ANGPT1: variants seen among roughly 807,000 people sequenced by gnomAD.
ANGPT1 encodes the protein angiopoietin 1, also known as angiopoietin-1.
ANGPT1 carries 17 observed loss-of-function variants against 62.2 expected under a neutral mutation model. That is an observed-to-expected ratio of 0.27 (90% confidence interval 0.19 to 0.41). ANGPT1 has a LOEUF of 0.41. ANGPT1 is among the 10% of genes least tolerant of loss of function. The probability of loss-of-function intolerance (pLI) is 1.00; values close to 1 mark genes in which losing one functional copy is unlikely to be tolerated. For synonymous variants in ANGPT1, 199 were observed against 198.9 expected (o/e 1.00, Z 0.00); for missense variants, 478 against 594.9 (o/e 0.80, Z 2.04).
intron 8 of ANGPT1, among the ~76,000 whole-genome samples, chr8:107,260,544 A>G (rs1403310575): frequency 6.6e-5 from 10 of 152,140 alleles, no homozygotes; most frequent in Non-Finnish European, 1.5e-5. Context: ...TTGACAGAGA[A>G]TAAGTAGTAG....
At chr8:107,393,900 C>A (rs558580609) in intron 1 of ANGPT1, among the ~76,000 whole-genome samples, 10 of 152,268 alleles carry the variant, frequency 6.6e-5, no homozygotes, top group African/African-American at 2.4e-4. Context: ...TTGGCTTTAA[C>A]CTGCTAAGAC....
At chr8:107,297,826 G>A (rs1308020011) in intron 5 of ANGPT1, among the ~76,000 whole-genome samples, 1 of 148,682 alleles carries the variant, frequency 6.7e-6, no homozygotes, top group African/African-American at 2.5e-5. Flanking sequence ...CTCTAGCAAA[G>A]ACAAAACAAA....
intron 2 of ANGPT1, among the ~76,000 whole-genome samples, chr8:107,344,076 A>T (rs1815752772): frequency 6.6e-6 from 1 of 152,108 alleles, no homozygotes; most frequent in Non-Finnish European, 1.5e-5. Context: ...ATAATAATAA[A>T]AGATAAGGAA....
At chr8:107,259,163 C>T (rs1001618401) in intron 8 of ANGPT1, among the ~76,000 whole-genome samples, 3 of 152,138 alleles carry the variant, frequency 2.0e-5, no homozygotes, top group African/African-American at 7.2e-5. Context: ...TATGGATCTT[C>T]TTTTCTCTCA....
At chr8:107,399,915 C>A (rs796140967) in intron 1 of ANGPT1, among the ~76,000 whole-genome samples, 1 of 152,074 alleles carries the variant, frequency 6.6e-6, no homozygotes, top group Admixed American at 6.6e-5. Context: ...ACAACTGGCC[C>A]GCATTACAGG....
intron 1 of ANGPT1, among the ~76,000 whole-genome samples, chr8:107,429,648 GAA>G (rs34291237): frequency 0.13 from 15,005 of 119,066 alleles, 1,541 homozygotes; most frequent in African/African-American, 0.31. Flanking sequence ...GCTCCAGGAG[GAA>G]AAAAAAAAAA....
At chr8:107,306,020 G>T (rs1219377356) in intron 4 of ANGPT1, among the ~76,000 whole-genome samples, 2 of 151,962 alleles carry the variant, frequency 1.3e-5, no homozygotes, top group African/African-American at 4.8e-5. Flanking sequence ...AAGTGAGGTA[G>T]TTATAAATAC....
intron 1 of ANGPT1, among the ~76,000 whole-genome samples, chr8:107,493,471 T>C (rs1813017336): frequency 6.6e-6 from 1 of 150,474 alleles, no homozygotes; most frequent in Non-Finnish European, 1.5e-5. Flanking sequence ...ACTGGTTAAA[T>C]ATAATTTGAA....
At chr8:107,398,155 C>T (rs564452881) in intron 1 of ANGPT1, among the ~76,000 whole-genome samples, 1 of 152,282 alleles carries the variant, frequency 6.6e-6, no homozygotes, top group South Asian at 2.1e-4. Flanking sequence ...CTGAATAACC[C>T]ACAGTCAATA....
At chr8:107,447,962 T>C (rs1276360863) in intron 1 of ANGPT1, among the ~76,000 whole-genome samples, 1 of 152,214 alleles carries the variant, frequency 6.6e-6, no homozygotes, top group East Asian at 1.9e-4. Flanking sequence ...TCTTTGGACT[T>C]AGGCAGAAGC....
At chr8:107,285,698 G>T (rs1814124068) in intron 6 of ANGPT1, among the ~76,000 whole-genome samples, 1 of 152,064 alleles carries the variant, frequency 6.6e-6, no homozygotes, top group South Asian at 2.1e-4. Context: ...TAATGTTGGA[G>T]ATGTTAGTGA....
intron 4 of ANGPT1, among the ~76,000 whole-genome samples, chr8:107,317,692 G>A (rs971455900): frequency 1.5e-4 from 22 of 150,284 alleles, no homozygotes; most frequent in Admixed American, 8.0e-4. Context: ...GTGCAGTGGC[G>A]TGATCTCAGC....
intron 6 of ANGPT1, 43 bp downstream of exon 6, chr8:107,293,893 C>G (rs1441841742): frequency 1.3e-6 from 2 of 1,517,348 alleles, no homozygotes; most frequent in Admixed American, 1.8e-5. Context: ...AAGATAACTT[C>G]AAGATAAAAC....
At chr8:107,440,282 A>AT (rs1203866864) in intron 1 of ANGPT1, among the ~76,000 whole-genome samples, 1 of 151,980 alleles carries the variant, frequency 6.6e-6, no homozygotes. Flanking sequence ...TTTTAATTAC[A>AT]TTTTTTTAAA....
At chr8:107,409,376 G>A (rs1034429127) in intron 1 of ANGPT1, among the ~76,000 whole-genome samples, 1 of 152,112 alleles carries the variant, frequency 6.6e-6, no homozygotes, top group African/African-American at 2.4e-5. Flanking sequence ...TGGATTCCCA[G>A]AGCGCAACAT....
At chr8:107,390,082 G>T (rs1273276633) in intron 1 of ANGPT1, among the ~76,000 whole-genome samples, 1 of 152,002 alleles carries the variant, frequency 6.6e-6, no homozygotes, top group African/African-American at 2.4e-5. Flanking sequence ...TCCCTTTCAG[G>T]TTAACTGGCC....
In ANGPT1 at chr8:107,359,074, T is replaced by A. The variant is rs142437436; in HGVS notation, c.298-11977A>T. On this transcript the variant is annotated intron_variant, in intron 1 of 8. Coordinates refer to ENST00000517746, the MANE Select transcript of ANGPT1 (RefSeq NM_001146.5). ...TTATTGCATGATTTCTTCATTCTCT[T>A]ATTTTTAAATCAATATTATGTTTTT... Among the ~76,000 whole-genome samples the A allele has an allele frequency of 4.1e-3, 623 of 152,304 alleles. 2 individuals carry two copies. Among genetic ancestry groups the A allele is most frequent in the African/African-American group, 0.014 (585 of 41,568 alleles).
intron 5 of ANGPT1, among the ~76,000 whole-genome samples, chr8:107,301,477 T>A (rs1814586049): frequency 6.6e-6 from 1 of 151,820 alleles, no homozygotes; most frequent in African/African-American, 2.4e-5. Context: ...TGAATTGAAT[T>A]TAAGCTTAAG....
chr8:107,445,773 C>A (rs545616967), intron 1 of ANGPT1, among the ~76,000 whole-genome samples: 1 of 151,800 alleles, frequency 6.6e-6, no homozygotes, highest in Non-Finnish European at 1.5e-5. Context: ...ATGATTTAAA[C>A]TAGAACTGTT....
Sources: allele counts gnomAD v4.1 joint callset (sites outside exome capture counted in the v4.1 genomes callset), GRCh38; gene constraint gnomAD v4.1.1; transcripts MANE v1.5; gene names NCBI Gene and HGNC (gene_info 2026-07-23, HGNC 2026-07-21).